Variants in LRRN3 observed in about 807,000 individuals in gnomAD.
LRRN3 encodes leucine-rich repeat neuronal protein 3.
Under a neutral mutation model 40.1 loss-of-function variants are expected in LRRN3, and 15 were observed. The ratio of observed to expected loss-of-function variants is 0.37; its 90% CI spans 0.25 to 0.58. The LOEUF (loss-of-function observed/expected upper bound fraction) is 0.58. LRRN3 is among the 20% of genes least tolerant of loss of function. The pLI is 0.72. For synonymous variants in LRRN3, 308 were observed against 297.2 expected (o/e 1.04, Z -0.37); for missense variants, 746 against 837.7 (o/e 0.89, Z 1.35).
intron 2 of LRRN3, among the ~76,000 whole-genome samples, chr7:111,117,830 C>T (rs1338875028): frequency 6.6e-6 from 1 of 151,998 alleles, no homozygotes; most frequent in Non-Finnish European, 1.5e-5. Flanking sequence ...TTTTTCTTCA[C>T]CAATTTTTCA....
chr7:111,095,526 T>G (rs924709165), intron 1 of LRRN3, among the ~76,000 whole-genome samples: 14 of 152,056 alleles, frequency 9.2e-5, no homozygotes, highest in Non-Finnish European at 1.9e-4. Flanking sequence ...AGCAACGATT[T>G]ATTAAGTATA....
chr7:111,100,415 T>C (rs1251689932), intron 2 of LRRN3, among the ~76,000 whole-genome samples: 2 of 147,964 alleles, frequency 1.4e-5, no homozygotes, highest in Non-Finnish European at 3.0e-5. Context: ...TTAAACTTTA[T>C]ATATAATAAA....
intron 2 of LRRN3, among the ~76,000 whole-genome samples, chr7:111,105,137 T>C (rs895718239): frequency 4.0e-5 from 6 of 151,852 alleles, no homozygotes; most frequent in Non-Finnish European, 7.4e-5. Context: ...ACTGTAAATA[T>C]GTGTTTTCAA....
At chr7:111,099,739 A>C (rs143298109) in intron 1 of LRRN3, 142 bp from the exon 2 acceptor site, 5 of 151,874 alleles carry the variant, frequency 3.3e-5, no homozygotes, top group African/African-American at 1.2e-4. Context: ...AACTAAAAAA[A>C]GAAATTCAAT....
At chr7:111,098,243 T>C (rs1797606742) in intron 1 of LRRN3, among the ~76,000 whole-genome samples, 1 of 151,816 alleles carries the variant, frequency 6.6e-6, no homozygotes, top group Non-Finnish European at 1.5e-5. Flanking sequence ...TTCCTCTTAT[T>C]GTCATTTATT....
At chr7:111,106,091 A>G (rs1214861764) in intron 2 of LRRN3, among the ~76,000 whole-genome samples, 3 of 152,024 alleles carry the variant, frequency 2.0e-5, no homozygotes, top group Non-Finnish European at 2.9e-5. Context: ...CCAAGGATAC[A>G]GCAGAGGACC....
At chr7:111,115,393 T>C (rs929099648) in intron 2 of LRRN3, among the ~76,000 whole-genome samples, 17 of 152,260 alleles carry the variant, frequency 1.1e-4, no homozygotes, top group Middle Eastern at 3.4e-3. Context: ...AAATCAATAA[T>C]TAAATATAAC....
chr7:111,096,172 A>G (rs983699644), intron 1 of LRRN3, among the ~76,000 whole-genome samples: 4 of 151,932 alleles, frequency 2.6e-5, no homozygotes, highest in Non-Finnish European at 1.5e-5. Context: ...TGCTCCTCAC[A>G]ACAATCTGGT....
intron 1 of LRRN3, among the ~76,000 whole-genome samples, chr7:111,095,604 TA>T (rs953201458): frequency 2.7e-4 from 41 of 152,140 alleles, no homozygotes; most frequent in African/African-American, 9.6e-4. Flanking sequence ...TGTAAAGTCA[TA>T]AAAATTAGAG....
In LRRN3 at chr7:111,124,298, T is replaced by C. The variant is rs974671053; in HGVS notation, c.1526T>C (p.Val509Ala). 1.9e-6 allele frequency: 3 copies of C among 1,613,944 alleles called. No homozygotes were observed. Among genetic ancestry groups the C allele is most frequent in the African/African-American group, 2.7e-5 (2 of 75,050 alleles). ...CTAGTTGGCGCTGACTTGAAGTCTG[T>C]TATGATCAAAGTGGATGGATCTTTT... Reference protein sequence around the residue: ...TNLVGADLKSVMIKVDGSFPQ... With the variant: ...TNLVGADLKSAMIKVDGSFPQ... Residue 509 changes from valine (V) to alanine (A), a missense_variant, in exon 3 of 3, where the codon GTT becomes GCT. Physicochemically the swap from Val to Ala is moderately conservative, Grantham distance 64 (BLOSUM62 0). Transcript: ENST00000308478.
chr7:111,111,294 AGTT>A, intron 2 of LRRN3, among the ~76,000 whole-genome samples: 1 of 141,666 alleles, frequency 7.1e-6, no homozygotes, highest in Non-Finnish European at 1.5e-5. Flanking sequence ...CATGGGTAGC[AGTT>A]GTAAAAAAAA....
At chr7:111,120,958 A>T (rs972938838) in intron 2 of LRRN3, among the ~76,000 whole-genome samples, 1 of 151,936 alleles carries the variant, frequency 6.6e-6, no homozygotes, top group African/African-American at 2.4e-5. Context: ...AGCCATGAAC[A>T]GTTGAAAGAT....
At chr7:111,096,384 G>C (rs1797397940) in intron 1 of LRRN3, among the ~76,000 whole-genome samples, 1 of 151,628 alleles carries the variant, frequency 6.6e-6, no homozygotes, top group Admixed American at 6.6e-5. Context: ...TTCCACTCTA[G>C]ATCTTACCCT....
In LRRN3 at chr7:111,093,241, T is replaced by C. The variant is rs189352378; in HGVS notation, c.-441+1737T>C. Among the ~76,000 whole-genome samples the C allele has an allele frequency of 1.4e-4, 21 of 152,324 alleles. No homozygotes were observed. The East Asian group carries it at 4.1e-3, about 29-fold the overall frequency. Reference sequence around the variant, plus strand: ...GTGCTGAAGCATCAGCTTGCAATATTGGCAGCTTTGCTCGCTCTGCCTCAA... The same window carrying C: ...GTGCTGAAGCATCAGCTTGCAATATCGGCAGCTTTGCTCGCTCTGCCTCAA... On this transcript the variant is annotated intron_variant, in intron 1 of 2. Coordinates refer to ENST00000308478, the MANE Select transcript of LRRN3 (RefSeq NM_001099658.2).
At chr7:111,095,144 A>C (rs978530146) in intron 1 of LRRN3, among the ~76,000 whole-genome samples, 21 of 152,160 alleles carry the variant, frequency 1.4e-4, no homozygotes, top group African/African-American at 4.1e-4. Flanking sequence ...GAGACGGGGA[A>C]TAAAGAGGGG....
intron 2 of LRRN3, among the ~76,000 whole-genome samples, chr7:111,105,165 C>T (rs988798044): frequency 2.0e-5 from 3 of 151,738 alleles, no homozygotes; most frequent in African/African-American, 4.8e-5. Flanking sequence ...AACCACAAAA[C>T]CTTTGAAGTG....
rs139555024 is a variant in LRRN3 at position 111,114,327 on chromosome 7, T to A, written c.-358-8088T>A. Among the ~76,000 whole-genome samples, 9 of 152,302 alleles carry A rather than the reference T, an allele frequency of 5.9e-5. No homozygotes were observed. The East Asian group carries it at 1.5e-3, about 26-fold the overall frequency. ...GAAATTAGCACCTTGTCTATCTCTA[T>A]GCCACTGTTTGACAGACACATAAAA... On this transcript the variant is annotated intron_variant, in intron 2 of 2. Transcript: ENST00000308478.
intron 1 of LRRN3, among the ~76,000 whole-genome samples, chr7:111,099,526 T>G (rs1029890960): frequency 2.6e-5 from 4 of 151,704 alleles, no homozygotes; most frequent in African/African-American, 9.7e-5. Flanking sequence ...TCAGCATTTC[T>G]TGCTATGTCA....
chr7:111,113,410 TCATGTCCTCC>T (rs1799476083), intron 2 of LRRN3, among the ~76,000 whole-genome samples: 2 of 152,088 alleles, frequency 1.3e-5, no homozygotes, highest in Admixed American at 6.5e-5. Flanking sequence ...TACATGTCTA[TCATGTCCTCC>T]CATGTATAAG....
Sources: gnomAD v4.1 joint callset for allele counts (sites outside exome capture counted in the v4.1 genomes callset) on GRCh38, gnomAD v4.1.1 for gene constraint, MANE v1.5 for transcripts, NCBI Gene and HGNC (gene_info 2026-07-23, HGNC 2026-07-21) for gene names.